INPP4B: variants seen among roughly 807,000 people sequenced by gnomAD.
INPP4B encodes inositol polyphosphate-4-phosphatase type II B.
In INPP4B, 55 loss-of-function variants were observed where a neutral mutation model predicts 122.5. That is an observed-to-expected ratio of 0.45 (90% CI 0.36 to 0.56). The LOEUF (loss-of-function observed/expected upper bound fraction) is 0.56. INPP4B is among the 20% of genes least tolerant of loss of function. The pLI is 0.00. For synonymous variants in INPP4B, 403 were observed against 388.7 expected (o/e 1.04, Z -0.43); for missense variants, 1,000 against 1,097.7 (o/e 0.91, Z 1.26).
At chr4:142,268,209 G>A (rs1298074347) in intron 10 of INPP4B, among the ~76,000 whole-genome samples, 1 of 150,554 alleles carries the variant, frequency 6.6e-6, no homozygotes, top group Non-Finnish European at 1.5e-5. Context: ...TGTAGTCCCA[G>A]CTACTCGGGA....
intron 6 of INPP4B, 136 bp downstream of exon 6, chr4:142,405,068 TGA>T (rs1161290234): frequency 1.6e-6 from 1 of 608,860 alleles, no homozygotes; most frequent in Non-Finnish European, 2.9e-6. Context: ...CTACAGACTA[TGA>T]ACTAACTTAT....
chr4:142,217,047 T>C (rs891659125), intron 12 of INPP4B, among the ~76,000 whole-genome samples: 6 of 152,284 alleles, frequency 3.9e-5, no homozygotes, highest in African/African-American at 1.4e-4. Context: ...TCAGGTTCTT[T>C]CCTTTACTGT....
intron 7 of INPP4B, among the ~76,000 whole-genome samples, chr4:142,352,381 T>A (rs1782181591): frequency 6.6e-6 from 1 of 151,880 alleles, no homozygotes; most frequent in Admixed American, 6.6e-5. Flanking sequence ...TGCTTCCAGG[T>A]CCTCAAGACT....
At chr4:142,122,712 A>G (rs993062127) in intron 20 of INPP4B, among the ~76,000 whole-genome samples, 1 of 152,132 alleles carries the variant, frequency 6.6e-6, no homozygotes, top group East Asian at 1.9e-4. Context: ...TGAGCCACAT[A>G]TATAATTTTA....
At chr4:142,090,396 AT>A (rs33979683) in intron 23 of INPP4B, among the ~76,000 whole-genome samples, 91,799 of 147,460 alleles carry the variant, frequency 0.62, 30,657 homozygotes, top group Non-Finnish European at 0.75. Flanking sequence ...GGTTGCTGCC[AT>A]TTTTTTTTTT....
At chr4:142,275,918 C>T (rs1407644575) in intron 9 of INPP4B, among the ~76,000 whole-genome samples, 2 of 151,764 alleles carry the variant, frequency 1.3e-5, no homozygotes, top group Non-Finnish European at 1.5e-5. Flanking sequence ...ATCTAGAACT[C>T]CAAATTCCCT....
intron 2 of INPP4B, among the ~76,000 whole-genome samples, chr4:142,568,917 A>G (rs1732217634): frequency 6.6e-6 from 1 of 152,140 alleles, no homozygotes; most frequent in Non-Finnish European, 1.5e-5. Context: ...CAAATGGATT[A>G]TTAATACTGA....
At chr4:142,294,069 A>G (rs927060437) in intron 9 of INPP4B, among the ~76,000 whole-genome samples, 10 of 152,202 alleles carry the variant, frequency 6.6e-5, no homozygotes, top group African/African-American at 2.4e-4. Flanking sequence ...GCGGTGAGGG[A>G]TGATAAATTA....
intron 7 of INPP4B, among the ~76,000 whole-genome samples, chr4:142,369,703 G>C (rs1023370032): frequency 3.3e-5 from 5 of 151,988 alleles, no homozygotes; most frequent in South Asian, 4.2e-4. Context: ...AAGGTGGGTG[G>C]ATCACCTGAG....
chr4:142,471,914 T>C (rs1818911382), intron 2 of INPP4B, among the ~76,000 whole-genome samples: 2 of 152,162 alleles, frequency 1.3e-5, no homozygotes, highest in African/African-American at 4.8e-5. Flanking sequence ...TAATATTTTA[T>C]GACTGCATTG....
At chr4:142,523,265 T>C (rs1384681157) in intron 2 of INPP4B, among the ~76,000 whole-genome samples, 1 of 152,128 alleles carries the variant, frequency 6.6e-6, no homozygotes. Flanking sequence ...ATGTTTTAAC[T>C]AGCCCCCAGA....
chr4:142,209,366 G>C (rs1041398831), intron 12 of INPP4B, among the ~76,000 whole-genome samples: 2 of 152,060 alleles, frequency 1.3e-5, no homozygotes, highest in African/African-American at 4.8e-5. Context: ...ATGTAAAGAT[G>C]GCTAAGTTTT....
At chr4:142,278,457 ACT>A (rs1749657655) in intron 9 of INPP4B, among the ~76,000 whole-genome samples, 1 of 151,530 alleles carries the variant, frequency 6.6e-6, no homozygotes. Context: ...TTCTCTCTCC[ACT>A]CTCTCATGCC....
rs116524361 is a variant in INPP4B, at chr4:142,633,237, T to A, written c.-191+92602A>T. Among the ~76,000 whole-genome samples the A allele has an allele frequency of 7.7e-3, 1,177 of 152,130 alleles. 8 individuals carry two copies. Among genetic ancestry groups the A allele is most frequent in the South Asian group, 0.019 (90 of 4,818 alleles). ...TTTGTAAACACCTAATACTATAGTT[T>A]CAAAATATAGAAAGCAAATATTTAG... On this transcript the variant is annotated intron_variant, in intron 2 of 25. Coordinates refer to ENST00000262992, the MANE Select transcript of INPP4B (RefSeq NM_001101669.3).
At chr4:142,809,313 A>T (rs1017690501) in intron 1 of INPP4B, among the ~76,000 whole-genome samples, 1 of 152,138 alleles carries the variant, frequency 6.6e-6, no homozygotes, top group East Asian at 1.9e-4. Context: ...AGACGTTAAG[A>T]GGACTAAATA....
At chr4:142,219,446 GC>G (rs1375133377) in intron 12 of INPP4B, among the ~76,000 whole-genome samples, 9 of 152,108 alleles carry the variant, frequency 5.9e-5, no homozygotes, top group Non-Finnish European at 1.3e-4. Flanking sequence ...TTCACAGTTT[GC>G]TTTAAAGTTA....
chr4:142,124,644 T>G lies in INPP4B; in HGVS notation c.1837A>C (p.Ser613Arg). Residue 613 changes from serine to arginine, a missense_variant, in exon 19 of 26, where the codon AGC (serine) becomes CGC (arginine). Coordinates refer to ENST00000262992, the MANE Select transcript of INPP4B (RefSeq NM_001101669.3). ...TFVLLQELAYSLPQCLMLTLR... is the reference protein window; with the variant it reads ...TFVLLQELAYRLPQCLMLTLR... Reference sequence around the variant, plus strand: ...GTCAGCATCAGACACTGGGGCAAGCTGTACGCAAGTTCCTGAAGGAGCACA... The same window carrying G: ...GTCAGCATCAGACACTGGGGCAAGCGGTACGCAAGTTCCTGAAGGAGCACA... 1 of 1,613,562 alleles carries G rather than the reference T, an allele frequency of 6.2e-7. No homozygotes were observed. Among genetic ancestry groups the G allele is most frequent in the South Asian group, 1.1e-5 (1 of 91,070 alleles).
chr4:142,707,285 C>T (rs772022565), intron 2 of INPP4B, among the ~76,000 whole-genome samples: 7 of 152,224 alleles, frequency 4.6e-5, no homozygotes, highest in African/African-American at 7.2e-5. Context: ...CAACCTCAAA[C>T]GAGAGGTGGC....
chr4:142,177,300 A>T (rs1344489336), intron 15 of INPP4B, among the ~76,000 whole-genome samples: 2 of 152,248 alleles, frequency 1.3e-5, no homozygotes, highest in African/African-American at 4.8e-5. Context: ...TTTTAAGTAT[A>T]CATAAATTTT....
Sources: allele counts gnomAD v4.1 joint callset (sites outside exome capture counted in the v4.1 genomes callset), GRCh38; gene constraint gnomAD v4.1.1; transcripts MANE v1.5; gene names NCBI Gene and HGNC (gene_info 2026-07-23, HGNC 2026-07-21).